ELF5: variants seen among roughly 807,000 people sequenced by gnomAD.
ELF5 encodes the protein ETS-related transcription factor Elf-5.
ELF5 carries 31 observed loss-of-function variants against 38.2 expected under a neutral mutation model. That is an observed-to-expected ratio of 0.81 (90% CI 0.61 to 1.10). The LOEUF is 1.10. Among genes scored for constraint, ELF5 ranks in the 50% least tolerant of loss-of-function variants. The probability of loss-of-function intolerance (pLI) is 0.00; values close to 1 mark genes in which losing one functional copy is unlikely to be tolerated. For missense variants in ELF5, 300 were observed against 306.6 expected, an observed-to-expected ratio of 0.98 and a Z score of 0.16; for synonymous variants, 121 against 112.5, an observed-to-expected ratio of 1.08 and a Z score of -0.48.
chr11:34,497,669 T>C (rs1850350797), intron 2 of ELF5, among the ~76,000 whole-genome samples: 1 of 152,196 alleles, frequency 6.6e-6, no homozygotes, highest in African/African-American at 2.4e-5. Context: ...AAGTGCACAA[T>C]GGCTACCCGA....
At chr11:34,481,149 A>G (rs1037355993) in intron 5 of ELF5, among the ~76,000 whole-genome samples, 182 bp from the exon 6 acceptor site, 2 of 151,880 alleles carry the variant, frequency 1.3e-5, no homozygotes, top group African/African-American at 4.8e-5. Flanking sequence ...CAGCCTCCCA[A>G]GTAGCTGGGA....
chr11:34,492,495 G>A (rs1243222813), intron 3 of ELF5: 1 of 152,186 alleles, frequency 6.6e-6, no homozygotes, highest in Non-Finnish European at 1.5e-5. Flanking sequence ...TTCAAAAGAA[G>A]GTACTAACCT....
At chr11:34,510,790 G>GA (rs974462895) in intron 1 of ELF5, among the ~76,000 whole-genome samples, 10 of 152,080 alleles carry the variant, frequency 6.6e-5, no homozygotes, top group African/African-American at 1.4e-4. Flanking sequence ...AGATGATTAA[G>GA]AAAAAATGAC....
At chr11:34,490,205 G>T in intron 3 of ELF5, 146 bp from the exon 4 acceptor site, 1 of 842,802 alleles carries the variant, frequency 1.2e-6, no homozygotes, top group Non-Finnish European at 2.0e-6. Context: ...GAGACCATCT[G>T]GTCTTAGAGT....
rs143099997 is a variant in ELF5, at chr11:34,480,285, C to T, written c.701G>A (p.Arg234Gln). ...RYYYKTGILE[R>Q]VDRRLVYKFG... Reference sequence around the variant, plus strand: ...TTTGTACACTAACCTTCGGTCAACCCGCTCCAAAATTCCTGTTTTATAGTA... The same window carrying T: ...TTTGTACACTAACCTTCGGTCAACCTGCTCCAAAATTCCTGTTTTATAGTA... The change falls in exon 7 of 7, where the codon CGG becomes CAG. Residue 234 changes from arginine to glutamine, a missense_variant. Physicochemically the swap from Arg to Gln is conservative, Grantham distance 43. Transcript: ENST00000257832. 8.5e-5 allele frequency: 137 copies of T among 1,613,814 alleles called. No homozygotes were observed. The highest frequency in any genetic ancestry group is 2.7e-4 in the East Asian group (12 of 44,866).
Position 34,480,850 on chromosome 11 carries a change from G to A in ELF5, c.593C>T (p.Ser198Leu), listed in dbSNP as rs773801852. The A allele has an allele frequency of 6.8e-6, 11 of 1,613,768 alleles. No homozygotes were observed. Among genetic ancestry groups the A allele is most frequent in the Non-Finnish European group, 9.3e-6 (11 of 1,179,992 alleles). Residue 198 changes from serine to leucine, a missense_variant, in exon 6 of 7, where the codon TCG becomes TTG. Transcript: ENST00000257832. ...REQGIFRVVK[S>L]EALAKMWGQR... ...TCCCCACATCTTTGCCAGGGCTTCC[G>A]ATTTAACCACCCGAAAAATTCCTTG...
rs1013929345 is a variant in ELF5 at position 34,513,711 on chromosome 11, C to T, written c.-39G>A. 4 of 152,476 alleles carry T rather than the reference C, an allele frequency of 2.6e-5. No individual in the cohort carries two copies. The highest frequency in any genetic ancestry group is 4.8e-5 in the African/African-American group (2 of 41,454). The allele number at this position is 152,476 out of a possible 1,614,324, so 9.4% of individuals were successfully genotyped here. ...GCGGTGGCTAGGTCCAAAGAGGAGG[C>T]TTTCAAGGCAAGAGAAGGCAGGCGC... On this transcript the variant is annotated 5_prime_UTR_variant, in exon 1 of 7. Coordinates refer to ENST00000257832, the MANE Select transcript of ELF5 (RefSeq NM_001422.4).
chr11:34,482,279 C>G (rs138874167), intron 5 of ELF5, 152 bp downstream of exon 5: 9 of 697,232 alleles, frequency 1.3e-5, no homozygotes, highest in Non-Finnish European at 2.2e-5. Flanking sequence ...TTTGATAATA[C>G]GTATAAAAGC....
At chr11:34,488,022 G>C (rs910714756) in intron 4 of ELF5, among the ~76,000 whole-genome samples, 1 of 151,740 alleles carries the variant, frequency 6.6e-6, no homozygotes, top group Non-Finnish European at 1.5e-5. Context: ...TCTTTTCCTG[G>C]GTAACTTCTT....
chr11:34,489,341 C>G (rs1362881563), intron 4 of ELF5, among the ~76,000 whole-genome samples: 1 of 152,202 alleles, frequency 6.6e-6, no homozygotes, highest in African/African-American at 2.4e-5. Flanking sequence ...GCTCTGCTCC[C>G]TCTCTGCAGA....
At chr11:34,480,638 TA>T in intron 6 of ELF5, 133 bp downstream of exon 6, 1 of 1,005,896 alleles carries the variant, frequency 9.9e-7, no homozygotes. Flanking sequence ...TACCTGTAAC[TA>T]AGAACCAAAG....
chr11:34,508,161 T>C (rs888912552), intron 1 of ELF5, among the ~76,000 whole-genome samples: 2 of 152,192 alleles, frequency 1.3e-5, no homozygotes, highest in African/African-American at 4.8e-5. Flanking sequence ...CTACATCCTA[T>C]AGGCAAAATG....
At chr11:34,480,714 C>T in intron 6 of ELF5, 58 bp downstream of exon 6, 1 of 1,550,014 alleles carries the variant, frequency 6.5e-7, no homozygotes, top group Non-Finnish European at 8.8e-7. Flanking sequence ...TTTTCTACAG[C>T]CAGCCATTGT....
chr11:34,512,917 C>T (rs1394611661), intron 1 of ELF5, among the ~76,000 whole-genome samples: 1 of 152,172 alleles, frequency 6.6e-6, no homozygotes, highest in East Asian at 1.9e-4. Flanking sequence ...TCAGTTTCCT[C>T]ATCTGTAACA....
At position 34,495,286 on chromosome 11, in the gene ELF5, A is replaced by G. The variant is rs564742847; in HGVS notation, c.122-1574T>C. Among the ~76,000 whole-genome samples, 59 of 152,356 alleles carry G rather than the reference A, an allele frequency of 3.9e-4. No homozygotes were observed. In the South Asian group the frequency reaches 4.8e-3, roughly 12 times the overall value. On this transcript the variant is annotated intron_variant, in intron 2 of 6. Transcript: ENST00000257832. ...GTGACGATGACAGAAAGGGTCCCTCACATGTTATACCCCACAGCAAATAGC... is the reference window on the plus strand; with the variant it reads ...GTGACGATGACAGAAAGGGTCCCTCGCATGTTATACCCCACAGCAAATAGC...
chr11:34,493,810 C>T (rs1254333320), intron 2 of ELF5, 98 bp from the exon 3 acceptor site: 11 of 1,068,276 alleles, frequency 1.0e-5, no homozygotes, highest in East Asian at 5.1e-5. Context: ...CCTCATTCCT[C>T]AGCCAATAAG....
Position 34,480,979 on chromosome 11 carries a change from G to C in ELF5, c.476-12C>G. ...AGAACTTTGGAGGCCTTTTGAAAAG[G>C]GGAAAACATTAACTATTTACCATTG... On this transcript the variant is annotated splice_polypyrimidine_tract_variant and intron_variant, in intron 5 of 6. Transcript: ENST00000257832. The C allele has an allele frequency of 6.4e-7, 1 of 1,571,004 alleles. No individual in the cohort carries two copies. Among genetic ancestry groups the C allele is most frequent in the Non-Finnish European group, 8.6e-7 (1 of 1,162,784 alleles).
At chr11:34,483,708 A>G (rs1470566230) in intron 4 of ELF5, among the ~76,000 whole-genome samples, 9 of 152,038 alleles carry the variant, frequency 5.9e-5, no homozygotes, top group Non-Finnish European at 1.3e-4. Context: ...GTACCATGCT[A>G]TATTAACTAT....
At chr11:34,510,580 T>C (rs755651222) in intron 1 of ELF5, among the ~76,000 whole-genome samples, 1 of 152,168 alleles carries the variant, frequency 6.6e-6, no homozygotes, top group Non-Finnish European at 1.5e-5. Flanking sequence ...GAAGTAACAC[T>C]GAGGCCCAGG....
Sources: gnomAD v4.1 joint callset for allele counts (sites outside exome capture counted in the v4.1 genomes callset) on GRCh38, gnomAD v4.1.1 for gene constraint, MANE v1.5 for transcripts, NCBI Gene and HGNC (gene_info 2026-07-23, HGNC 2026-07-21) for gene names.